The following SLC12A6 variants were observed in gnomAD, a reference collection of about 807,000 sequenced individuals.
SLC12A6 encodes the protein solute carrier family 12 member 6.
In SLC12A6, 66 loss-of-function variants were observed where a neutral mutation model predicts 135.3. The ratio of observed to expected loss-of-function variants is 0.49; its 90% CI spans 0.40 to 0.60. SLC12A6 has a LOEUF of 0.60. SLC12A6 is among the 20% of genes least tolerant of loss of function. The pLI is 0.00. For synonymous variants in SLC12A6, 513 were observed against 508.8 expected, an observed-to-expected ratio of 1.01 and a Z score of -0.11; for missense variants, 1,058 against 1,452.3, an observed-to-expected ratio of 0.73 and a Z score of 4.41.
intron 4 of SLC12A6, among the ~76,000 whole-genome samples, chr15:34,260,352 G>A (rs1180825374): frequency 2.6e-5 from 4 of 152,118 alleles, no homozygotes; most frequent in African/African-American, 4.8e-5. Flanking sequence ...TCTGCCTCCC[G>A]GGTGCATGCC....
intron 2 of SLC12A6, among the ~76,000 whole-genome samples, chr15:34,287,047 T>C (rs1895135546): frequency 1.3e-5 from 2 of 152,010 alleles, no homozygotes; most frequent in Admixed American, 1.3e-4. Flanking sequence ...GAATGTGCAG[T>C]TTTGTTATAC....
At chr15:34,287,795 A>C (rs528496088) in intron 2 of SLC12A6, among the ~76,000 whole-genome samples, 2 of 152,118 alleles carry the variant, frequency 1.3e-5, no homozygotes, top group East Asian at 3.9e-4. Context: ...AGTGTCTGTT[A>C]ATATCCTTTG....
In SLC12A6 at chr15:34,336,610, T is replaced by A; in HGVS notation, c.71A>T (p.Asp24Val). The A allele has an allele frequency of 6.2e-7, 1 of 1,613,488 alleles. No individual in the cohort carries two copies. The highest frequency in any genetic ancestry group is 8.5e-7 in the Non-Finnish European group (1 of 1,179,456). The part of the protein sequence containing the change: ...RFMVTPTKID[D>V]IPGLSDTSPD... Reference sequence around the variant, plus strand: ...ACTGGTGTCTGACAAACCTGGAATGTCATCGATCTTTGTCGGTGTCACCAT... The same window carrying A: ...ACTGGTGTCTGACAAACCTGGAATGACATCGATCTTTGTCGGTGTCACCAT... Residue 24 changes from aspartate (D) to valine (V), a missense_variant, in exon 2 of 26, where the codon GAC (aspartate) becomes GTC (valine). Physicochemically the swap from Asp to Val is radical, Grantham distance 152 (BLOSUM62 -3). Around this residue, in one of 6 missense-constraint regions of SLC12A6, gnomAD observed 176 missense variants for 168.9 expected, o/e 1.04. Coordinates refer to ENST00000354181, the MANE Select transcript of SLC12A6 (RefSeq NM_001365088.1).
At chr15:34,234,947 A>G (rs1891155879) in intron 25 of SLC12A6, among the ~76,000 whole-genome samples, 1 of 152,192 alleles carries the variant, frequency 6.6e-6, no homozygotes, top group Non-Finnish European at 1.5e-5. Context: ...TGAATATTAG[A>G]TGTCATGTTG....
In SLC12A6 at chr15:34,235,591, T is replaced by A. The variant is rs111631907; in HGVS notation, c.3228-277A>T. Among the ~76,000 whole-genome samples, 807 of 151,858 alleles carry A rather than the reference T, an allele frequency of 5.3e-3. 12 individuals are homozygous for A. The highest frequency in any genetic ancestry group is 0.018 in the African/African-American group (753 of 41,390). Reference sequence around the variant, plus strand: ...CTGGGATTACAGGCCCCCACCACCATACCCGGCTAATTTTTTTTGTATTTT... The same window carrying A: ...CTGGGATTACAGGCCCCCACCACCAAACCCGGCTAATTTTTTTTGTATTTT... On this transcript the variant is annotated intron_variant, in intron 24 of 25. Transcript: ENST00000354181.
At position 34,307,310 on chromosome 15, in the gene SLC12A6, C is replaced by T. The variant is rs188115101; in HGVS notation, c.271+29100G>A. Among the ~76,000 whole-genome samples the T allele has an allele frequency of 8.7e-4, 133 of 152,256 alleles. 1 individual carries two copies. Among genetic ancestry groups the T allele is most frequent in the Non-Finnish European group, 1.1e-3 (74 of 68,004 alleles). ...AGACATGAACAGGAAGTTCACTAAA[C>T]TTTTCCGAATTTGAAATTTCCACAA... On this transcript the variant is annotated intron_variant, in intron 2 of 25. Transcript: ENST00000354181.
intron 2 of SLC12A6, among the ~76,000 whole-genome samples, chr15:34,276,661 T>C (rs1402419906): frequency 6.6e-6 from 1 of 152,212 alleles, no homozygotes; most frequent in Admixed American, 6.5e-5. Flanking sequence ...AGTCACATCT[T>C]TATTTTCACT....
intron 2 of SLC12A6, among the ~76,000 whole-genome samples, chr15:34,333,226 C>A (rs905952409): frequency 2.0e-5 from 3 of 146,450 alleles, no homozygotes; most frequent in African/African-American, 7.7e-5. Flanking sequence ...ATTTTTTTTT[C>A]TTTTTCTTTT....
At position 34,336,961 on chromosome 15, in the gene SLC12A6, C is replaced by G. The variant is rs981976577; in HGVS notation, c.-72-209G>C. On this transcript the variant is annotated intron_variant, in intron 1 of 25. Coordinates refer to ENST00000354181, the MANE Select transcript of SLC12A6 (RefSeq NM_001365088.1). ...ATGCCAATCTTGTGTGACTTCTTTC[C>G]TTCAGAATGAAGAGCTACCTAGCTA... The G allele has an allele frequency of 5.8e-4, 268 of 461,076 alleles. 4 individuals are homozygous for G. The highest frequency in any genetic ancestry group is 2.5e-3 in the Middle Eastern group (4 of 1,626). The allele number at this position is 461,076 out of a possible 1,614,324, so 28.6% of individuals were successfully genotyped here. A position where few individuals can be genotyped will look rare whatever the true frequency, so the allele number is the denominator to read the frequency against.
chr15:34,319,262 A>T (rs1018871405), intron 2 of SLC12A6, among the ~76,000 whole-genome samples: 6 of 151,056 alleles, frequency 4.0e-5, no homozygotes, highest in Non-Finnish European at 7.4e-5. Context: ...CAGCCTCACG[A>T]GTAGCTGGGA....
At position 34,236,056 on chromosome 15, in the gene SLC12A6, C is replaced by G. The variant is rs1300448363; in HGVS notation, c.3186G>C (p.Ala1062=). 1 of 1,614,074 alleles carries G rather than the reference C, an allele frequency of 6.2e-7. No individual in the cohort carries two copies. The highest frequency in any genetic ancestry group is 2.2e-5 in the East Asian group (1 of 44,870). Residue 1062 remains alanine, a synonymous_variant, in exon 24 of 26, where the codon GCG becomes GCC. Transcript: ENST00000354181. ...DKYMASRGQK[A]KSMEGFQDLL... ...GGTCCTGGAATCCTTCCATTGACTT[C>G]GCTTTTTGTCCCCGGGATGCCATGT...
chr15:34,254,500 G>A lies in SLC12A6; in HGVS notation c.966C>T (p.Gly322=), dbSNP rs142496698. 451 of 1,613,278 alleles carry A rather than the reference G, an allele frequency of 2.8e-4. No homozygotes were observed. Among genetic ancestry groups the A allele is most frequent in the Non-Finnish European group, 3.5e-4 (411 of 1,179,300 alleles). Residue 322 remains glycine (G), a synonymous_variant, in exon 9 of 26, where the codon GGC becomes GGT. Transcript: ENST00000354181. ...AAMLNNMRVY[G]TAFLVLMVLV... is the part of the protein sequence containing the mutation. ...ATACCATAAGGACCAAGAAAGCTGTGCCGTAGACACGCATGTTATTTAGCA... is the reference window on the plus strand; with the variant it reads ...ATACCATAAGGACCAAGAAAGCTGTACCGTAGACACGCATGTTATTTAGCA...
At chr15:34,260,460 G>GT (rs201862664) in intron 4 of SLC12A6, among the ~76,000 whole-genome samples, 4,158 of 152,164 alleles carry the variant, frequency 0.027, 191 homozygotes, top group African/African-American at 0.095. Flanking sequence ...GGGTTTCACC[G>GT]TGTCAGCCAG....
At chr15:34,290,847 C>T (rs1895466958) in intron 2 of SLC12A6, among the ~76,000 whole-genome samples, 1 of 152,010 alleles carries the variant, frequency 6.6e-6, no homozygotes, top group Non-Finnish European at 1.5e-5. Flanking sequence ...GATCTTCCTC[C>T]ATCCCTTTAT....
At chr15:34,298,286 C>T (rs1421154619) in intron 2 of SLC12A6, among the ~76,000 whole-genome samples, 3 of 151,912 alleles carry the variant, frequency 2.0e-5, no homozygotes. Context: ...ACCAGCCTGG[C>T]CAAGATGGTG....
intron 2 of SLC12A6, among the ~76,000 whole-genome samples, chr15:34,319,399 C>T (rs1888897273): frequency 6.6e-6 from 1 of 151,968 alleles, no homozygotes; most frequent in Admixed American, 6.6e-5. Flanking sequence ...ACCTCGGCCT[C>T]CCACAGTGCT....
In SLC12A6 at chr15:34,336,649, G is replaced by T. The variant is rs377072265; in HGVS notation, c.32C>A (p.Ala11Asp). 1.9e-6 allele frequency: 3 copies of T among 1,613,998 alleles called. No homozygotes were observed. The highest frequency in any genetic ancestry group is 2.2e-5 in the South Asian group (2 of 91,084). ...CGGTGTCACCATGAACCGAACTGAA[G>T]CCATCTTGGTGGTGGTTTCTGGAGG... MHPPETTTKM[A>D]SVRFMVTPTK... The change falls in exon 2 of 26, where the codon GCT becomes GAT. Residue 11 changes from alanine to aspartate, a missense_variant. Physicochemically the swap from Ala to Asp is moderately radical, Grantham distance 126. Transcript: ENST00000354181.
At chr15:34,301,264 G>A (rs1896240049) in intron 2 of SLC12A6, among the ~76,000 whole-genome samples, 1 of 152,122 alleles carries the variant, frequency 6.6e-6, no homozygotes, top group Non-Finnish European at 1.5e-5. Context: ...TTTGTTAACT[G>A]ACTCATGTTG....
intron 3 of SLC12A6, among the ~76,000 whole-genome samples, chr15:34,266,124 G>C (rs903992385): frequency 6.8e-5 from 10 of 146,268 alleles, no homozygotes; most frequent in Non-Finnish European, 1.5e-4. Context: ...AATGTAAATA[G>C]ACTAAGACAA....
Sources: gnomAD v4.1 joint callset for allele counts (sites outside exome capture counted in the v4.1 genomes callset) on GRCh38, gnomAD v4.1.1 for gene constraint, gnomAD v4.1.1 regional missense constraint, MANE v1.5 for transcripts, NCBI Gene and HGNC (gene_info 2026-07-23, HGNC 2026-07-21) for gene names.